ZFAT: variants seen among roughly 807,000 people sequenced by gnomAD.
ZFAT encodes the protein zinc finger protein ZFAT.
In ZFAT, 64 loss-of-function variants were observed where a neutral mutation model predicts 117.7. The observed-to-expected ratio is 0.54, with a 90% CI of 0.44 to 0.67. The LOEUF is 0.67. Among genes scored for constraint, ZFAT ranks in the 30% least tolerant of loss-of-function variants. The pLI is 0.00. For missense variants in ZFAT, 1,433 were observed against 1,584.5 expected, an observed-to-expected ratio of 0.90 and a Z score of 1.62; for synonymous variants, 679 against 615.0, an observed-to-expected ratio of 1.10 and a Z score of -1.54.
At chr8:134,680,690 T>C (rs1833032636) in intron 1 of ZFAT, among the ~76,000 whole-genome samples, 1 of 152,168 alleles carries the variant, frequency 6.6e-6, no homozygotes, top group African/African-American at 2.4e-5. Flanking sequence ...TGATAGTTAG[T>C]TACATAAGAT....
At chr8:134,794,666 G>C in the ZFAT span, 1 of 152,166 alleles carries the variant, frequency 6.6e-6, no homozygotes, top group Non-Finnish European at 1.5e-5. Context: ...TGTTCAGTTT[G>C]AAGCTAAACA....
chr8:134,751,298 G>A, the ZFAT span, among the ~76,000 whole-genome samples: 2 of 152,322 alleles, frequency 1.3e-5, no homozygotes, highest in South Asian at 2.1e-4. Context: ...GGGTCAGGGG[G>A]CTCCAAGACC....
At chr8:134,791,940 T>C in the ZFAT span, 2 of 152,198 alleles carry the variant, frequency 1.3e-5, no homozygotes, top group African/African-American at 4.8e-5. Flanking sequence ...GAGTTCTCTG[T>C]TACACCATAG....
Position 134,565,519 on chromosome 8 carries a change from T to C in ZFAT, c.2888-98A>G, listed in dbSNP as rs764096256. ...GGAGCCAGGTACACAAAGGTGTTCC[T>C]TGCCATGTGAGGATCAGAATCTCAG... On this transcript the variant is annotated intron_variant, in intron 10 of 15. Transcript: ENST00000377838. 4.4e-6 allele frequency: 5 copies of C among 1,136,242 alleles called. No homozygotes were observed. In the South Asian group the frequency reaches 5.2e-5, roughly 12 times the overall value. 70.4% of individuals were successfully genotyped at this position (1,136,242 alleles called of 1,614,324 possible).
At chr8:134,568,859 C>T (rs568562541) in intron 10 of ZFAT, among the ~76,000 whole-genome samples, 1 of 152,122 alleles carries the variant, frequency 6.6e-6, no homozygotes, top group African/African-American at 2.4e-5. Flanking sequence ...CATAAAAGAG[C>T]AATACTTTGA....
chr8:134,628,999 G>C (rs1165767503), intron 3 of ZFAT, among the ~76,000 whole-genome samples: 1 of 152,230 alleles, frequency 6.6e-6, no homozygotes, highest in East Asian at 1.9e-4. Context: ...GGTGTACACA[G>C]AGCATGAATT....
the ZFAT span, among the ~76,000 whole-genome samples, chr8:134,825,963 G>GT: frequency 6.6e-6 from 1 of 151,256 alleles, no homozygotes; most frequent in East Asian, 1.9e-4. Context: ...GGAGCTTGCA[G>GT]TGAGCCGAGA....
chr8:134,678,718 A>G (rs1318598581), intron 1 of ZFAT, among the ~76,000 whole-genome samples: 1 of 152,196 alleles, frequency 6.6e-6, no homozygotes, highest in Non-Finnish European at 1.5e-5. Flanking sequence ...CCAAAACAGC[A>G]TGTTACTGGT....
At chr8:134,641,304 G>C (rs1296521905) in intron 2 of ZFAT, among the ~76,000 whole-genome samples, 1 of 152,006 alleles carries the variant, frequency 6.6e-6, no homozygotes, top group East Asian at 1.9e-4. Context: ...TAACTGCTCA[G>C]GGCAATTTTC....
chr8:134,535,710 C>T (rs184773254), intron 11 of ZFAT, among the ~76,000 whole-genome samples: 1 of 151,900 alleles, frequency 6.6e-6, no homozygotes. Flanking sequence ...GGACCTGGAA[C>T]AAAGGCAAAA....
intron 1 of ZFAT, among the ~76,000 whole-genome samples, chr8:134,677,295 AT>A (rs2131285925): frequency 6.6e-6 from 1 of 152,350 alleles, no homozygotes; most frequent in Non-Finnish European, 1.5e-5. Flanking sequence ...ACAAACTACC[AT>A]CAGAGAATAC....
intron 1 of ZFAT, among the ~76,000 whole-genome samples, chr8:134,664,319 T>C (rs1348978057): frequency 6.6e-6 from 1 of 152,106 alleles, no homozygotes; most frequent in Non-Finnish European, 1.5e-5. Context: ...CAGTGCCACA[T>C]GGCCTGTCCA....
At chr8:134,799,020 G>A in the ZFAT span, among the ~76,000 whole-genome samples, 1 of 152,068 alleles carries the variant, frequency 6.6e-6, no homozygotes. Context: ...AATTTGGCAA[G>A]TTTCAAATTA....
At chr8:134,677,341 T>A (rs888104548) in intron 1 of ZFAT, among the ~76,000 whole-genome samples, 24 of 152,206 alleles carry the variant, frequency 1.6e-4, no homozygotes, top group African/African-American at 5.8e-4. Context: ...CTAGAAAATC[T>A]AGAAGAAATG....
At chr8:134,514,215 G>C (rs1207597870) in intron 13 of ZFAT, among the ~76,000 whole-genome samples, 1 of 152,162 alleles carries the variant, frequency 6.6e-6, no homozygotes, top group Non-Finnish European at 1.5e-5. Context: ...CAACTACCCA[G>C]TCTTATGTCA....
At chr8:134,644,753 C>T (rs1056698715) in intron 2 of ZFAT, among the ~76,000 whole-genome samples, 1 of 151,982 alleles carries the variant, frequency 6.6e-6, no homozygotes, top group African/African-American at 2.4e-5. Flanking sequence ...CACAATCACA[C>T]ACACATGTAT....
the ZFAT span, among the ~76,000 whole-genome samples, chr8:134,778,023 C>A: frequency 6.6e-6 from 1 of 152,296 alleles, no homozygotes; most frequent in African/African-American, 2.4e-5. Context: ...CACTGGCCTT[C>A]TTCCTGCCAG....
intron 11 of ZFAT, among the ~76,000 whole-genome samples, chr8:134,563,921 G>A (rs979087204): frequency 1.3e-5 from 2 of 152,050 alleles, no homozygotes; most frequent in African/African-American, 2.4e-5. Flanking sequence ...CTGAAGCCTC[G>A]AACATTCTCA....
intron 11 of ZFAT, among the ~76,000 whole-genome samples, chr8:134,543,784 G>A (rs1317243006): frequency 6.6e-6 from 1 of 152,158 alleles, no homozygotes; most frequent in Non-Finnish European, 1.5e-5. Flanking sequence ...TGGATTCAAT[G>A]CTGACCCATT....
Sources: allele counts gnomAD v4.1 joint callset (sites outside exome capture counted in the v4.1 genomes callset), GRCh38; gene constraint gnomAD v4.1.1; transcripts MANE v1.5; gene names NCBI Gene and HGNC (gene_info 2026-07-23, HGNC 2026-07-21).